MRTFA: variants seen among roughly 807,000 people sequenced by gnomAD.
The protein encoded by MRTFA is myocardin-related transcription factor A.
MRTFA carries 20 observed loss-of-function variants against 83.5 expected under a neutral mutation model. The ratio of observed to expected loss-of-function variants is 0.24; its 90% CI spans 0.17 to 0.35. The LOEUF (loss-of-function observed/expected upper bound fraction) is 0.35. Among genes scored for constraint, MRTFA ranks in the 10% least tolerant of loss-of-function variants. The pLI is 1.00. For missense variants in MRTFA, 1,200 were observed against 1,224.7 expected (o/e 0.98, Z 0.30); for synonymous variants, 659 against 541.2 (o/e 1.22, Z -3.02).
rs200565523 is a variant in MRTFA, at chr22:40,418,961, G to A, written c.1777C>T (p.Pro593Ser). The stretch of plus-strand genomic sequence containing the variant: ...TCCTCCTTCACGAGGATCTGCAGTG[G>A]CGAGGCCTGCAGGGTCAGCTGCGTC... The change falls in exon 12 of 15, where the codon CCA becomes TCA. Residue 593 changes from proline to serine, a missense_variant. Transcript: ENST00000355630. 1.5e-5 allele frequency: 24 copies of A among 1,612,912 alleles called. No homozygotes were observed. The highest frequency in any genetic ancestry group is 1.7e-5 in the Admixed American group (1 of 60,010).
chr22:40,461,566 C>T (rs956308930), intron 4 of MRTFA, among the ~76,000 whole-genome samples: 2 of 148,230 alleles, frequency 1.3e-5, no homozygotes, highest in Admixed American at 6.9e-5. Context: ...AGGAGGATCA[C>T]GAGGCCAAGA....
chr22:40,583,403 C>T (rs555762900), intron 2 of MRTFA, among the ~76,000 whole-genome samples: 4 of 152,224 alleles, frequency 2.6e-5, no homozygotes, highest in Admixed American at 1.3e-4. Flanking sequence ...GGACAATTCC[C>T]CAGCTTTACC....
At chr22:40,571,025 A>G (rs12169277) in intron 2 of MRTFA, among the ~76,000 whole-genome samples, 1 of 109,412 alleles carries the variant, frequency 9.1e-6, no homozygotes, top group Non-Finnish European at 1.9e-5. Flanking sequence ...CCCTGTCTCT[A>G]CAAAAAAAAA....
At chr22:40,532,020 C>T (rs1355261925) in intron 3 of MRTFA, among the ~76,000 whole-genome samples, 1 of 152,166 alleles carries the variant, frequency 6.6e-6, no homozygotes, top group Non-Finnish European at 1.5e-5. Context: ...TACCTGCATC[C>T]AACACTCTTG....
chr22:40,546,023 G>A (rs779402994), intron 3 of MRTFA, among the ~76,000 whole-genome samples: 6 of 152,208 alleles, frequency 3.9e-5, no homozygotes, highest in Non-Finnish European at 8.8e-5. Context: ...CGCCGTACCC[G>A]GCCACCACTG....
At chr22:40,443,501 T>A (rs1192638074) in intron 4 of MRTFA, among the ~76,000 whole-genome samples, 1 of 149,228 alleles carries the variant, frequency 6.7e-6, no homozygotes, top group African/African-American at 2.5e-5. Context: ...GCTTCATATA[T>A]CCAGGCTTAA....
intron 2 of MRTFA, among the ~76,000 whole-genome samples, chr22:40,590,785 T>C (rs1259036342): frequency 1.3e-5 from 2 of 151,352 alleles, no homozygotes; most frequent in African/African-American, 4.9e-5. Context: ...AATCAGCTAA[T>C]ACCTAGTCTG....
At chr22:40,457,436 G>GAGAAAGAAAGAAAGAGAAAGAA (rs2053606830) in intron 4 of MRTFA, among the ~76,000 whole-genome samples, 1 of 119,818 alleles carries the variant, frequency 8.3e-6, no homozygotes, top group Non-Finnish European at 1.7e-5. Context: ...AAGAAAGAAA[G>GAGAAAGAAAGAAAGAGAAAGAA]AGAAAGAAAG....
At chr22:40,437,575 C>G (rs1263775909) in intron 4 of MRTFA, among the ~76,000 whole-genome samples, 1 of 152,068 alleles carries the variant, frequency 6.6e-6, no homozygotes, top group South Asian at 2.1e-4. Context: ...GCCTGGCCAA[C>G]ATGGTGAAAC....
intron 2 of MRTFA, among the ~76,000 whole-genome samples, chr22:40,565,841 T>C (rs1309766882): frequency 3.3e-5 from 5 of 152,218 alleles, no homozygotes; most frequent in Admixed American, 2.6e-4. Flanking sequence ...GAGACTTGTA[T>C]AGCCAACCCT....
intron 2 of MRTFA, among the ~76,000 whole-genome samples, chr22:40,589,745 A>G (rs1244635992): frequency 6.6e-6 from 1 of 152,076 alleles, no homozygotes; most frequent in Non-Finnish European, 1.5e-5. Flanking sequence ...TTCATATTAC[A>G]AGGCCGGGCA....
chr22:40,622,430 G>A (rs1322029436), intron 1 of MRTFA, among the ~76,000 whole-genome samples: 3 of 150,774 alleles, frequency 2.0e-5, no homozygotes, highest in East Asian at 2.0e-4. Flanking sequence ...GCAGTGAGCC[G>A]AGATGGTGCC....
At chr22:40,616,376 C>T (rs1031183200) in intron 1 of MRTFA, among the ~76,000 whole-genome samples, 1 of 152,126 alleles carries the variant, frequency 6.6e-6, no homozygotes, top group East Asian at 1.9e-4. Flanking sequence ...ATTAGATATG[C>T]ATTTTAAAAC....
In MRTFA at chr22:40,418,226, A is replaced by G. The variant is rs1338381815; in HGVS notation, c.2364+148T>C. The G allele has an allele frequency of 5.6e-6, 8 of 1,424,736 alleles. No homozygotes were observed. In the African/African-American group the frequency reaches 8.8e-5, roughly 16 times the overall value. 88.3% of individuals were successfully genotyped at this position (1,424,736 alleles called of 1,614,324 possible). ...TGAGGCAGGTCCCTTAACTTTCCTA[A>G]GTCTCAGTACCCCCCTGGTGAAGGA... On this transcript the variant is annotated intron_variant, in intron 12 of 14. Coordinates refer to ENST00000355630, the MANE Select transcript of MRTFA (RefSeq NM_020831.6).
At chr22:40,447,242 T>C (rs2147121521) in intron 4 of MRTFA, among the ~76,000 whole-genome samples, 1 of 151,794 alleles carries the variant, frequency 6.6e-6, no homozygotes, top group Non-Finnish European at 1.5e-5. Context: ...GTCCGATCTA[T>C]TTGGGGGAGC....
At chr22:40,453,851 T>C (rs2053539112) in intron 4 of MRTFA, among the ~76,000 whole-genome samples, 1 of 152,224 alleles carries the variant, frequency 6.6e-6, no homozygotes, top group Non-Finnish European at 1.5e-5. Flanking sequence ...TGTCTCTTGG[T>C]AAGTTGCCCA....
chr22:40,634,893 T>C (rs2056678048), intron 1 of MRTFA, among the ~76,000 whole-genome samples: 1 of 152,228 alleles, frequency 6.6e-6, no homozygotes, highest in African/African-American at 2.4e-5. Flanking sequence ...GGATACATAT[T>C]ACTCTTCCAC....
intron 1 of MRTFA, among the ~76,000 whole-genome samples, chr22:40,600,593 A>C (rs2056247132): frequency 6.6e-6 from 1 of 152,234 alleles, no homozygotes; most frequent in Non-Finnish European, 1.5e-5. Flanking sequence ...AGGCCTATGT[A>C]GCCTGCTGGT....
At chr22:40,566,001 C>T (rs1448015026) in intron 2 of MRTFA, among the ~76,000 whole-genome samples, 1 of 152,098 alleles carries the variant, frequency 6.6e-6, no homozygotes, top group Non-Finnish European at 1.5e-5. Context: ...AGCTTCAGAC[C>T]TCATGCCTCT....
Sources: gnomAD v4.1 joint callset for allele counts (sites outside exome capture counted in the v4.1 genomes callset) on GRCh38, gnomAD v4.1.1 for gene constraint, MANE v1.5 for transcripts, NCBI Gene and HGNC (gene_info 2026-07-23, HGNC 2026-07-21) for gene names.